MYL2: variants seen among roughly 807,000 people sequenced by gnomAD.
MYL2 encodes myosin light chain 2.
In MYL2, 19 loss-of-function variants were observed where a neutral mutation model predicts 23.0. The ratio of observed to expected loss-of-function variants is 0.83; its 90% confidence interval spans 0.58 to 1.21. The LOEUF (loss-of-function observed/expected upper bound fraction) is 1.21. MYL2 is among the 50% of genes most tolerant of loss of function. The pLI is 0.00. For missense variants in MYL2, 180 were observed against 215.1 expected, an observed-to-expected ratio of 0.84 and a Z score of 1.02; for synonymous variants, 78 against 76.2, an observed-to-expected ratio of 1.02 and a Z score of -0.13.
chr12:110,913,010 G>A (rs1326841787), intron 6 of MYL2, 86 bp downstream of exon 6: 5 of 1,424,760 alleles, frequency 3.5e-6, no homozygotes, highest in Admixed American at 3.3e-5. Context: ...GGGGTCAGGG[G>A]TGCTTTAGAC....
upstream of MYL2, among the ~76,000 whole-genome samples, chr12:110,921,156 T>C (rs1266900448): frequency 2.6e-5 from 4 of 152,128 alleles, no homozygotes; most frequent in African/African-American, 9.7e-5. Flanking sequence ...CCTAGGAGTT[T>C]GCGACCAGCC....
chr12:110,921,040 GA>G (rs1212963368), upstream of MYL2, among the ~76,000 whole-genome samples: 1 of 152,200 alleles, frequency 6.6e-6, no homozygotes, highest in Non-Finnish European at 1.5e-5. Context: ...TCTCCTGAGT[GA>G]AGCCTCCCCG....
intron 1 of MYL2, 138 bp downstream of exon 1, chr12:110,920,389 A>G (rs2071714152): frequency 8.1e-7 from 1 of 1,234,294 alleles, no homozygotes. Flanking sequence ...GTGCCCGCGC[A>G]GTCAATGGGG....
At chr12:110,913,034 G>A in intron 6 of MYL2, 62 bp downstream of exon 6, 1 of 1,570,854 alleles carries the variant, frequency 6.4e-7, no homozygotes, top group Non-Finnish European at 8.8e-7. Flanking sequence ...AGGGGAGACG[G>A]AGCCCCCCAG....
chr12:110,920,547 A>G lies in MYL2; in HGVS notation c.-18T>C. 6.2e-7 allele frequency: 1 copy of G among 1,614,122 alleles called. No individual in the cohort carries two copies. Among genetic ancestry groups the G allele is most frequent in the Non-Finnish European group, 8.5e-7 (1 of 1,180,024 alleles). On this transcript the variant is annotated 5_prime_UTR_variant, in exon 1 of 7. Coordinates refer to ENST00000228841, the MANE Select transcript of MYL2 (RefSeq NM_000432.4). ...CTCACCATGGTGGAAAGGACCCAGC[A>G]CTGCCTCCCGAGAAGAATTCCACAC...
upstream of MYL2, among the ~76,000 whole-genome samples, chr12:110,921,050 C>T (rs2301358): frequency 1.7e-4 from 26 of 152,308 alleles, no homozygotes; most frequent in East Asian, 3.7e-3. Flanking sequence ...GAAGCCTCCC[C>T]GACCACCATC....
intron 4 of MYL2, among the ~76,000 whole-genome samples, chr12:110,913,897 T>A (rs988940196): frequency 6.6e-6 from 1 of 152,000 alleles, no homozygotes; most frequent in African/African-American, 2.4e-5. Context: ...GGACTACAGG[T>A]GCACACCACC....
At chr12:110,920,580 AG>A (rs1474554905), upstream of MYL2, 19 of 1,613,746 alleles carry the variant, frequency 1.2e-5, no homozygotes, top group Non-Finnish European at 1.5e-5. Context: ...CACTCCGCCC[AG>A]CTCTCTGCAG....
intron 3 of MYL2, 154 bp from the exon 4 acceptor site, chr12:110,914,444 G>T: frequency 3.0e-6 from 2 of 659,586 alleles, no homozygotes; most frequent in Non-Finnish European, 2.8e-6. Context: ...CTGAGAAGAT[G>T]TTCTTGACAG....
Position 110,918,088 on chromosome 12 carries a change from C to T in MYL2, c.93+1016G>A, listed in dbSNP as rs2071698241. On this transcript the variant is annotated intron_variant, in intron 2 of 6. Coordinates refer to ENST00000228841, the MANE Select transcript of MYL2 (RefSeq NM_000432.4). This position sits in a 1 kb window ranked among gnomAD's most constrained non-coding sequence, Gnocchi z 4.4. ...ACAGAGCGAGACTCTGTCACACGCA[C>T]AAAAAAAGAAAGCAGTCTGGTCTCT... Among the ~76,000 whole-genome samples the T allele has an allele frequency of 6.6e-6, 1 of 151,762 alleles. No individual in the cohort carries two copies. Among genetic ancestry groups the T allele is most frequent in the African/African-American group, 2.4e-5 (1 of 41,308 alleles).
chr12:110,918,330 T>C lies in MYL2; in HGVS notation c.93+774A>G, dbSNP rs61943011. 0.012 allele frequency among the ~76,000 whole-genome samples: 1,850 copies of C among 152,158 alleles called. 14 individuals are homozygous for C. Among genetic ancestry groups the C allele is most frequent in the Non-Finnish European group, 0.015 (1,042 of 68,002 alleles). ...GGGCTAGTGGTTAATAATCAAAGACTGTAAAATGTAAAACCCAGAAGATAC... is the reference window on the plus strand; with the variant it reads ...GGGCTAGTGGTTAATAATCAAAGACCGTAAAATGTAAAACCCAGAAGATAC... On this transcript the variant is annotated intron_variant, in intron 2 of 6. Transcript: ENST00000228841. The surrounding 1 kb of genome is among the most constrained non-coding windows in gnomAD (Gnocchi z 4.4).
chr12:110,913,043 A>G, intron 6 of MYL2, 53 bp downstream of exon 6: 1 of 1,603,910 alleles, frequency 6.2e-7, no homozygotes. Context: ...GGAGCCCCCC[A>G]GAAGGAGAAC....
rs577630711 is a variant in MYL2 at position 110,912,600 on chromosome 12, C to T, written c.402+496G>A. 3.3e-5 allele frequency among the ~76,000 whole-genome samples: 5 copies of T among 152,312 alleles called. No individual in the cohort carries two copies. In the South Asian group the frequency reaches 1.0e-3, roughly 32 times the overall value. ...TTTGAGACAGAGTCTTGCTCTGTTG[C>T]CCAGACTGGAGTGCAGTGGCATGAT... On this transcript the variant is annotated intron_variant, in intron 6 of 6. Transcript: ENST00000228841.
intron 2 of MYL2, among the ~76,000 whole-genome samples, chr12:110,916,694 G>A (rs2071689669): frequency 6.6e-6 from 1 of 152,174 alleles, no homozygotes; most frequent in Non-Finnish European, 1.5e-5. Context: ...CTGCTAATGG[G>A]TATGGGGTTT....
upstream of MYL2, among the ~76,000 whole-genome samples, chr12:110,921,297 G>C (rs1036224595): frequency 1.3e-5 from 2 of 152,214 alleles, no homozygotes; most frequent in Admixed American, 6.5e-5. Flanking sequence ...GGAGGTTGAG[G>C]CTGTGGTGAG....
intron 1 of MYL2, 110 bp from the exon 2 acceptor site, chr12:110,919,303 C>G (rs968791189): frequency 1.2e-6 from 1 of 855,758 alleles, no homozygotes; most frequent in African/African-American, 1.7e-5. Context: ...AGCTGCCCAT[C>G]TGTGAAATGT....
At chr12:110,912,985 G>A in intron 6 of MYL2, 111 bp downstream of exon 6, 1 of 1,188,806 alleles carries the variant, frequency 8.4e-7, no homozygotes, top group Non-Finnish European at 1.3e-6. Flanking sequence ...ACGATAGCTG[G>A]TTCTCTGTCA....
chr12:110,915,312 A>G (rs2071681515), intron 3 of MYL2, among the ~76,000 whole-genome samples: 1 of 152,192 alleles, frequency 6.6e-6, no homozygotes, highest in African/African-American at 2.4e-5. Flanking sequence ...TTCGAAAGAG[A>G]ATGATTCCAA....
chr12:110,920,586 C>G, upstream of MYL2: 2 of 1,613,918 alleles, frequency 1.2e-6, no homozygotes, highest in South Asian at 1.1e-5. Context: ...GCCCAGCTCT[C>G]TGCAGCCCAG....
Sources: allele counts gnomAD v4.1 joint callset (sites outside exome capture counted in the v4.1 genomes callset), GRCh38; gene constraint gnomAD v4.1.1; non-coding constraint Gnocchi (gnomAD v3.1); transcripts MANE v1.5; gene names NCBI Gene and HGNC (gene_info 2026-07-23, HGNC 2026-07-21).